CDH18: variants seen among roughly 807,000 people sequenced by gnomAD.
The protein encoded by CDH18 is cadherin-18.
Under a neutral mutation model 67.9 loss-of-function variants are expected in CDH18, and 31 were observed. The ratio of observed to expected loss-of-function variants is 0.46; its 90% CI spans 0.34 to 0.62. CDH18 has a LOEUF of 0.62. CDH18 is among the 20% of genes least tolerant of loss of function. CDH18 has a pLI of 0.01. For synonymous variants in CDH18, 362 were observed against 347.2 expected (o/e 1.04, Z -0.48); for missense variants, 890 against 975.5 (o/e 0.91, Z 1.17).
intron 2 of CDH18, among the ~76,000 whole-genome samples, chr5:19,934,122 T>C (rs1010002065): frequency 1.3e-5 from 2 of 149,952 alleles, no homozygotes; most frequent in Non-Finnish European, 3.0e-5. Flanking sequence ...GTGGTAAAAA[T>C]GTGTTATCAA....
At chr5:19,841,116 A>C (rs1782269800) in intron 2 of CDH18, among the ~76,000 whole-genome samples, 1 of 152,164 alleles carries the variant, frequency 6.6e-6, no homozygotes, top group African/African-American at 2.4e-5. Flanking sequence ...TCGCTCCTTA[A>C]ATGAGGGTTA....
intron 1 of CDH18, among the ~76,000 whole-genome samples, chr5:20,520,361 T>G (rs1755670243): frequency 6.6e-6 from 1 of 152,116 alleles, no homozygotes; most frequent in South Asian, 2.1e-4. Context: ...TAGTGCCCTT[T>G]GTTATAGCAA....
intron 2 of CDH18, among the ~76,000 whole-genome samples, chr5:20,253,042 T>C (rs1029754600): frequency 6.6e-6 from 1 of 152,204 alleles, no homozygotes; most frequent in South Asian, 2.1e-4. Context: ...GAGGATAAGA[T>C]GGCTGATTAC....
intron 5 of CDH18, among the ~76,000 whole-genome samples, chr5:19,719,157 G>A (rs1276627821): frequency 6.6e-6 from 1 of 151,962 alleles, no homozygotes; most frequent in Admixed American, 6.6e-5. Flanking sequence ...TGCATAAAAA[G>A]TGTAAAATAA....
At chr5:19,760,364 C>T (rs1419832646) in intron 3 of CDH18, among the ~76,000 whole-genome samples, 1 of 152,136 alleles carries the variant, frequency 6.6e-6, no homozygotes. Flanking sequence ...TCTAAAGTGA[C>T]TAATCCACTC....
chr5:19,785,382 G>C (rs1402448590), intron 3 of CDH18, among the ~76,000 whole-genome samples: 1 of 151,454 alleles, frequency 6.6e-6, no homozygotes, highest in Non-Finnish European at 1.5e-5. Context: ...GCCAGGCGCG[G>C]TGGCTCATAC....
At chr5:20,132,508 C>A (rs1214778032) in intron 2 of CDH18, among the ~76,000 whole-genome samples, 2 of 151,882 alleles carry the variant, frequency 1.3e-5, no homozygotes, top group African/African-American at 4.8e-5. Flanking sequence ...GTTTTTGTTG[C>A]CTAATGCCCA....
intron 2 of CDH18, among the ~76,000 whole-genome samples, chr5:19,946,368 A>T (rs1177570787): frequency 1.3e-5 from 2 of 152,130 alleles, no homozygotes; most frequent in African/African-American, 4.8e-5. Context: ...AAGCACTCTA[A>T]ACAAAAATAA....
chr5:20,031,906 C>T (rs958137593), intron 2 of CDH18, among the ~76,000 whole-genome samples: 4 of 151,856 alleles, frequency 2.6e-5, no homozygotes, highest in African/African-American at 9.7e-5. Flanking sequence ...AAGGCTCATC[C>T]AGTGCAAAGC....
At chr5:20,218,066 A>G (rs1381436982) in intron 2 of CDH18, among the ~76,000 whole-genome samples, 1 of 151,940 alleles carries the variant, frequency 6.6e-6, no homozygotes, top group Non-Finnish European at 1.5e-5. Flanking sequence ...ATACGATAAT[A>G]GCTGGAGATT....
intron 2 of CDH18, among the ~76,000 whole-genome samples, chr5:20,060,739 A>G (rs1243075494): frequency 6.6e-6 from 1 of 152,154 alleles, no homozygotes; most frequent in Non-Finnish European, 1.5e-5. Flanking sequence ...TTCTACTTAA[A>G]CTTGCATCAA....
At chr5:20,371,561 A>G (rs531707023) in intron 1 of CDH18, among the ~76,000 whole-genome samples, 3 of 152,314 alleles carry the variant, frequency 2.0e-5, no homozygotes, top group African/African-American at 7.2e-5. Context: ...GGAGACTAGT[A>G]AGAGTTATTT....
At chr5:20,451,088 C>G (rs1750410094) in intron 1 of CDH18, among the ~76,000 whole-genome samples, 1 of 152,140 alleles carries the variant, frequency 6.6e-6, no homozygotes, top group Admixed American at 6.6e-5. Flanking sequence ...CAAGTTGAGA[C>G]TTGGGTGGGG....
At chr5:20,564,275 T>TAGTTATTA (rs1439560468) in intron 1 of CDH18, among the ~76,000 whole-genome samples, 207 of 150,254 alleles carry the variant, frequency 1.4e-3, no homozygotes, top group African/African-American at 4.5e-3. Context: ...TTTATTTATT[T>TAGTTATTA]ATTTATTTAT....
At chr5:20,410,427 G>A (rs965397662) in intron 1 of CDH18, among the ~76,000 whole-genome samples, 2 of 151,642 alleles carry the variant, frequency 1.3e-5, no homozygotes, top group South Asian at 4.1e-4. Context: ...TGACAATAAT[G>A]AGCACACTTT....
intron 5 of CDH18, among the ~76,000 whole-genome samples, chr5:19,636,883 A>T (rs1177335911): frequency 6.6e-6 from 1 of 152,110 alleles, no homozygotes; most frequent in Non-Finnish European, 1.5e-5. Flanking sequence ...ATTTTGCAAC[A>T]GTTTTCTTTT....
Position 20,092,667 on chromosome 5 carries a change from C to G in CDH18, c.-517-100653G>C, listed in dbSNP as rs549028111. Among the ~76,000 whole-genome samples, 53 of 152,046 alleles carry G rather than the reference C, an allele frequency of 3.5e-4. No individual in the cohort carries two copies. The East Asian group carries it at 0.01, about 29-fold the overall frequency. ...CTTATCTATCACTTCCTCCATGAAC[C>G]CTTTCTGACAATTTTTATAATATAT... On this transcript the variant is annotated intron_variant, in intron 2 of 14. Coordinates refer to the CDH18 transcript ENST00000507958.
At chr5:19,718,920 T>C (rs1765667262) in intron 5 of CDH18, among the ~76,000 whole-genome samples, 1 of 152,044 alleles carries the variant, frequency 6.6e-6, no homozygotes, top group African/African-American at 2.4e-5. Flanking sequence ...AACTATAATA[T>C]ATGTACATAA....
At chr5:20,563,801 C>T (rs1350060688) in intron 1 of CDH18, among the ~76,000 whole-genome samples, 1 of 152,044 alleles carries the variant, frequency 6.6e-6, no homozygotes, top group Non-Finnish European at 1.5e-5. Context: ...TACATTACAT[C>T]TAGTACCATA....
Sources: gnomAD v4.1 joint callset for allele counts (sites outside exome capture counted in the v4.1 genomes callset) on GRCh38, gnomAD v4.1.1 for gene constraint, MANE v1.5 for transcripts, NCBI Gene and HGNC (gene_info 2026-07-23, HGNC 2026-07-21) for gene names.